Variants in TPM2 observed in about 807,000 individuals in gnomAD.
The protein encoded by TPM2 is tropomyosin 2.
A neutral mutation model predicts 41.0 loss-of-function variants in TPM2; 26 were observed. The ratio of observed to expected loss-of-function variants is 0.63; its 90% CI spans 0.46 to 0.88. The LOEUF is 0.88. Ranked by LOEUF, TPM2 falls within the 40% of genes least tolerant of loss-of-function variation. TPM2 has a pLI of 0.00. For synonymous variants in TPM2, 143 were observed against 139.3 expected (o/e 1.03, Z -0.19); for missense variants, 187 against 355.2 (o/e 0.53, Z 3.81).
intron 5 of TPM2, 173 bp from the exon 6 acceptor site, chr9:35,684,980 AAG>A (rs1824802268): frequency 6.2e-7 from 1 of 1,613,310 alleles, no homozygotes; most frequent in African/African-American, 1.3e-5. Context: ...GCAGCTGAGA[AAG>A]AGCAGCCTGC....
At chr9:35,688,896 C>G (rs539179416) in intron 2 of TPM2, among the ~76,000 whole-genome samples, 1 of 152,320 alleles carries the variant, frequency 6.6e-6, no homozygotes, top group East Asian at 1.9e-4. Flanking sequence ...ACTGTACATT[C>G]TAAAAGCTGG....
rs780364702 is a variant in TPM2, at chr9:35,683,114, A to G, written c.*45T>C. 1.3e-6 allele frequency: 2 copies of G among 1,551,826 alleles called. No individual in the cohort carries two copies. The highest frequency in any genetic ancestry group is 2.4e-5 in the South Asian group (2 of 84,076). On this transcript the variant is annotated 3_prime_UTR_variant, in exon 9 of 9. Coordinates refer to ENST00000645482, the MANE Select transcript of TPM2 (RefSeq NM_003289.4). The stretch of plus-strand genomic sequence containing the variant: ...TCCCCTCCCCATAGAGAGAATGGAA[A>G]GGAGAGGAGAGAAGAGAGCTGAGGT...
intron 8 of TPM2, 25 bp from the exon 9 acceptor site, chr9:35,683,266 C>G (rs375510611): frequency 1.3e-6 from 2 of 1,547,176 alleles, no homozygotes; most frequent in African/African-American, 1.4e-5. Flanking sequence ...GGGAGGGGAC[C>G]AGGTGGGAGT....
At chr9:35,684,140 G>A (rs1587954671) in intron 8 of TPM2, 106 bp downstream of exon 8, 3 of 1,158,136 alleles carry the variant, frequency 2.6e-6, no homozygotes. Flanking sequence ...AGGGTCCTAG[G>A]TGGCCCAACC....
At chr9:35,684,992 C>T (rs1039294382) in intron 5 of TPM2, 185 bp from the exon 6 acceptor site, 26 of 1,613,802 alleles carry the variant, frequency 1.6e-5, no homozygotes, top group African/African-American at 2.7e-5. Flanking sequence ...GAGCAGCCTG[C>T]GGTGCTGAGA....
chr9:35,686,957 A>T (rs1243874), intron 2 of TPM2, among the ~76,000 whole-genome samples: 141,727 of 152,298 alleles, frequency 0.93, 66,365 homozygotes, highest in Non-Finnish European at 0.98. Flanking sequence ...CAGGGCAGCC[A>T]CGTGTTAAGA....
downstream of TPM2, chr9:35,682,096 T>C (rs772454236): frequency 6.2e-7 from 1 of 1,614,134 alleles, no homozygotes; most frequent in Admixed American, 1.7e-5. Context: ...GGTTGTTGAG[T>C]TCCAGCAGGG....
chr9:35,688,152 T>C (rs1825037697), intron 2 of TPM2, among the ~76,000 whole-genome samples: 1 of 152,218 alleles, frequency 6.6e-6, no homozygotes, highest in African/African-American at 2.4e-5. Context: ...TGCCCAGGGT[T>C]GTCTGTGCTA....
In TPM2 at chr9:35,685,410, C is replaced by T. The variant is rs755549204; in HGVS notation, c.492+24G>A. ...GGCATGTTGCAGGCTGGGCAGCGAG[C>T]AGGCAGAGGGGCAAGGCTGTCACCT... On this transcript the variant is annotated intron_variant, in intron 4 of 8. Coordinates refer to ENST00000645482, the MANE Select transcript of TPM2 (RefSeq NM_003289.4). This position sits in a 1 kb window ranked among gnomAD's most constrained non-coding sequence, Gnocchi z 5.0. 2 of 1,614,206 alleles carry T rather than the reference C, an allele frequency of 1.2e-6. No individual in the cohort carries two copies. The highest frequency in any genetic ancestry group is 1.7e-5 in the Admixed American group (1 of 60,028).
In TPM2 at chr9:35,685,216, T is replaced by C. The variant is rs1824826961; in HGVS notation, c.563+53A>G. The C allele has an allele frequency of 1.9e-6, 3 of 1,613,780 alleles. No homozygotes were observed. Among genetic ancestry groups the C allele is most frequent in the East Asian group, 2.2e-5 (1 of 44,864 alleles). On this transcript the variant is annotated intron_variant, in intron 5 of 8. Coordinates refer to ENST00000645482, the MANE Select transcript of TPM2 (RefSeq NM_003289.4). This position sits in a 1 kb window ranked among gnomAD's most constrained non-coding sequence, Gnocchi z 5.0. ...AGCCTAGGATGCTACCTTCCCACTG[T>C]GTGGAAGGCCCCAGGGCCAATGGGC...
At position 35,689,840 on chromosome 9, in the gene TPM2, G is replaced by A. The variant is rs781232498; in HGVS notation, c.-23C>T. The A allele has an allele frequency of 6.2e-7, 1 of 1,613,296 alleles. No individual in the cohort carries two copies. Among genetic ancestry groups the A allele is most frequent in the Non-Finnish European group, 8.5e-7 (1 of 1,179,536 alleles). ...CATGGCTGCGGTGGGGGGTGGGCCG[G>A]CCGGCAGGCGGTGAGGACCGGACGG... On this transcript the variant is annotated 5_prime_UTR_variant, in exon 1 of 9. Coordinates refer to ENST00000645482, the MANE Select transcript of TPM2 (RefSeq NM_003289.4).
chr9:35,684,149 C>T (rs543761531), intron 8 of TPM2, 97 bp downstream of exon 8: 20 of 1,315,864 alleles, frequency 1.5e-5, no homozygotes, highest in South Asian at 7.2e-5. Context: ...GGTGGCCCAA[C>T]CCTAGTTTAT....
At position 35,689,730 on chromosome 9, in the gene TPM2, TC is replaced by T. The variant is rs1215957542; in HGVS notation, c.87del (p.Lys30SerfsTer21). On this transcript the variant is annotated frameshift_variant, in exon 1 of 9. Coordinates refer to ENST00000645482, the MANE Select transcript of TPM2 (RefSeq NM_003289.4). LOFTEE classifies it high-confidence loss of function. Reference protein sequence around the residue: ...IDRAEQAEADKKQAEDRCKQL... With the variant: ...IDRAEQAEADXKQAEDRCKQL... ...TGCTTGCAGCGGTCCTCAGCTTGCT[TC>T]TTGTCGGCTTCGGCCTGCTCGGCGC... 1 of 1,613,742 alleles carries T rather than the reference TC, an allele frequency of 6.2e-7. No individual in the cohort carries two copies. Among genetic ancestry groups the T allele is most frequent in the Admixed American group, 1.7e-5 (1 of 60,024 alleles).
rs541366877 is a variant in TPM2, at chr9:35,689,894, C to A, written c.-77G>T. On this transcript the variant is annotated 5_prime_UTR_variant, in exon 1 of 9. Transcript: ENST00000645482. Reference sequence around the variant, plus strand: ...GGGCTGGGTGAGCGGACTGGGTGCACCGGTGGCAGGCGAGGAGGACGGAGC... The same window carrying A: ...GGGCTGGGTGAGCGGACTGGGTGCAACGGTGGCAGGCGAGGAGGACGGAGC... The A allele has an allele frequency of 1.9e-6, 3 of 1,607,950 alleles. No individual in the cohort carries two copies. Among genetic ancestry groups the A allele is most frequent in the Non-Finnish European group, 2.5e-6 (3 of 1,178,326 alleles).
At chr9:35,682,806 G>A, downstream of TPM2, 1 of 1,366,880 alleles carries the variant, frequency 7.3e-7, no homozygotes. Flanking sequence ...GTGGGCCATG[G>A]TGTTTTGTGG....
rs1357545307 is a variant in TPM2, at chr9:35,689,233, C to T, written c.153G>A (p.Lys51=). 4 of 1,614,234 alleles carry T rather than the reference C, an allele frequency of 2.5e-6. No homozygotes were observed. Among genetic ancestry groups the T allele is most frequent in the Non-Finnish European group, 3.4e-6 (4 of 1,180,036 alleles). Residue 51 remains lysine, a synonymous_variant, in exon 2 of 9, where the codon AAG becomes AAA. Coordinates refer to ENST00000645482, the MANE Select transcript of TPM2 (RefSeq NM_003289.4). ...EEQQALQKKL[K]GTEDEVEKYS... is the part of the protein sequence containing the mutation. ...ACTTTTCCACCTCATCCTCTGTCCC[C>T]TTCAGCTTCTTCTGGAGGGCCTGCT...
At chr9:35,682,408 T>C (rs1824616476), downstream of TPM2, 1 of 1,235,332 alleles carries the variant, frequency 8.1e-7, no homozygotes, top group African/African-American at 1.5e-5. Context: ...GGCTGAGTCA[T>C]AAACTACTTT....
chr9:35,684,097 T>C, intron 8 of TPM2, 149 bp downstream of exon 8: 1 of 762,082 alleles, frequency 1.3e-6, no homozygotes, highest in Non-Finnish European at 2.3e-6. Context: ...TTACTTGAAT[T>C]GTAGACATGG....
In TPM2 at chr9:35,687,517, T is replaced by C. The variant is rs1365679547; in HGVS notation, c.240+1629A>G. ...TGGACACAGCATAGGAAGCAGGTCC[T>C]TGGTCGGACTGTAGGGCAGGAGAAA... On this transcript the variant is annotated intron_variant, in intron 2 of 8. Coordinates refer to ENST00000645482, the MANE Select transcript of TPM2 (RefSeq NM_003289.4). Among the ~76,000 whole-genome samples the C allele has an allele frequency of 2.0e-5, 3 of 152,166 alleles. No homozygotes were observed. The East Asian group carries it at 5.8e-4, about 29-fold the overall frequency.
Sources: allele counts gnomAD v4.1 joint callset (sites outside exome capture counted in the v4.1 genomes callset), GRCh38; gene constraint gnomAD v4.1.1; non-coding constraint Gnocchi (gnomAD v3.1); transcripts MANE v1.5; gene names NCBI Gene and HGNC (gene_info 2026-07-23, HGNC 2026-07-21).